DLGAP5: variants seen among roughly 807,000 people sequenced by gnomAD.
DLGAP5 encodes DLG associated protein 5.
A neutral mutation model predicts 99.6 loss-of-function variants in DLGAP5; 90 were observed. The ratio of observed to expected loss-of-function variants is 0.90; its 90% CI spans 0.76 to 1.08. The LOEUF is 1.08. DLGAP5 is among the 50% of genes least tolerant of loss of function. The pLI is 0.00. For synonymous variants in DLGAP5, 311 were observed against 321.3 expected (o/e 0.97, Z 0.34); for missense variants, 1,036 against 983.5 (o/e 1.05, Z -0.71).
At chr14:55,152,505 TG>T in intron 16 of DLGAP5, 84 bp downstream of exon 16, 1 of 1,018,998 alleles carries the variant, frequency 9.8e-7, no homozygotes, top group Non-Finnish European at 1.4e-6. Flanking sequence ...ACGGAAATTC[TG>T]GGGATGCTTT....
intron 12 of DLGAP5, among the ~76,000 whole-genome samples, chr14:55,165,143 C>T (rs1471229223): frequency 6.6e-6 from 1 of 152,042 alleles, no homozygotes; most frequent in Non-Finnish European, 1.5e-5. Context: ...AAGATTTACA[C>T]AGACATCTCA....
Position 55,176,018 on chromosome 14 carries a change from A to G in DLGAP5, c.1050T>C (p.Val350=). The G allele has an allele frequency of 6.2e-7, 1 of 1,600,924 alleles. No individual in the cohort carries two copies. The highest frequency in any genetic ancestry group is 2.2e-5 in the East Asian group (1 of 44,700). Residue 350 remains valine, a splice_region_variant and synonymous_variant, in exon 9 of 19, where the codon GTT becomes GTC. Coordinates refer to ENST00000247191, the MANE Select transcript of DLGAP5 (RefSeq NM_014750.5). ...TTTCTTTTGTTGCTTGAGACTCATCACTAAAAACAATAGCAAAAATATACT... is the reference window on the plus strand; with the variant it reads ...TTTCTTTTGTTGCTTGAGACTCATCGCTAAAAACAATAGCAAAAATATACT... The part of the protein sequence containing the change: ...SYTWTPLKTE[V]DESQATKEIL...
At position 55,154,716 on chromosome 14, in the gene DLGAP5, C is replaced by T; in HGVS notation, c.1964G>A (p.Gly655Asp). 1 of 1,613,986 alleles carries T rather than the reference C, an allele frequency of 6.2e-7. No individual in the cohort carries two copies. Among genetic ancestry groups the T allele is most frequent in the Non-Finnish European group, 8.5e-7 (1 of 1,179,904 alleles). ...TGGTGATGTAGTTTGTTGTGGAATG[C>T]CCATCTCATTTCTACTCTGAGATAC... is the stretch of plus-strand genomic sequence containing the variant. ...KAVSQSRNEM[G>D]IPQQTTSPEN... Residue 655 changes from glycine to aspartate, a missense_variant, in exon 15 of 19, where the codon GGC becomes GAC. Transcript: ENST00000247191.
At chr14:55,171,864 G>C (rs1882870923) in intron 10 of DLGAP5, among the ~76,000 whole-genome samples, 1 of 152,088 alleles carries the variant, frequency 6.6e-6, no homozygotes, top group Non-Finnish European at 1.5e-5. Context: ...AGTAAAACAA[G>C]ACAAATACTA....
intron 4 of DLGAP5, 133 bp from the exon 5 acceptor site, chr14:55,181,430 C>T (rs1486634126): frequency 1.3e-5 from 8 of 607,204 alleles, no homozygotes; most frequent in African/African-American, 1.9e-5. Flanking sequence ...CAAAAAACTA[C>T]CCCAAATAAA....
At chr14:55,179,375 C>G (rs1883200539) in intron 7 of DLGAP5, among the ~76,000 whole-genome samples, 1 of 152,192 alleles carries the variant, frequency 6.6e-6, no homozygotes, top group Non-Finnish European at 1.5e-5. Context: ...ATACAGGTTT[C>G]TCTCAGCTGT....
chr14:55,160,074 C>A (rs1304433474), intron 13 of DLGAP5, among the ~76,000 whole-genome samples: 1 of 152,142 alleles, frequency 6.6e-6, no homozygotes. Flanking sequence ...CAAGGTGGCA[C>A]ATGCCTGTAG....
In DLGAP5 at chr14:55,162,976, A is replaced by G. The variant is rs1407790175; in HGVS notation, c.1648T>C (p.Phe550Leu). 6.4e-7 allele frequency: 1 copy of G among 1,564,782 alleles called. No individual in the cohort carries two copies. Among genetic ancestry groups the G allele is most frequent in the African/African-American group, 1.4e-5 (1 of 73,450 alleles). The change falls in exon 13 of 19, where the codon TTT becomes CTT. Residue 550 changes from phenylalanine to leucine, a missense_variant. Transcript: ENST00000247191. ...NMNHNMNKNV[F>L]RKKVVSGIAS... Reference sequence around the variant, plus strand: ...TATAAAACCCACAAACTTACCCTAAAGACATTTTTGTTCATATTATGATTC... The same window carrying G: ...TATAAAACCCACAAACTTACCCTAAGGACATTTTTGTTCATATTATGATTC...
At position 55,160,993 on chromosome 14, in the gene DLGAP5, A is replaced by G. The variant is rs980044193; in HGVS notation, c.1653+1978T>C. On this transcript the variant is annotated intron_variant, in intron 13 of 18. Coordinates refer to ENST00000247191, the MANE Select transcript of DLGAP5 (RefSeq NM_014750.5). The stretch of plus-strand genomic sequence containing the variant: ...ACACCACAGGTTTGTTTTAATGTAA[A>G]CAATGATAAGACACTTAAACATGTT... 2.0e-5 allele frequency among the ~76,000 whole-genome samples: 3 copies of G among 152,088 alleles called. No homozygotes were observed. The East Asian group carries it at 5.8e-4, about 29-fold the overall frequency.
chr14:55,190,539 T>TA (rs1165929520), intron 1 of DLGAP5, among the ~76,000 whole-genome samples: 4 of 151,946 alleles, frequency 2.6e-5, no homozygotes, highest in Non-Finnish European at 4.4e-5. Context: ...TCTTGGCAGT[T>TA]AAAAAACAAA....
intron 10 of DLGAP5, among the ~76,000 whole-genome samples, chr14:55,174,347 C>T (rs930408595): frequency 5.3e-5 from 8 of 152,262 alleles, no homozygotes; most frequent in African/African-American, 1.4e-4. Context: ...CAATGGTGCC[C>T]GAAACTTCAT....
At position 55,189,221 on chromosome 14, in the gene DLGAP5, C is replaced by T. The variant is rs1284128196; in HGVS notation, c.-1-41G>A. 5 of 1,493,288 alleles carry T rather than the reference C, an allele frequency of 3.3e-6. No homozygotes were observed. In the East Asian group the frequency reaches 1.1e-4, roughly 34 times the overall value. 92.5% of individuals were successfully genotyped at this position (1,493,288 alleles called of 1,614,324 possible). A position where few individuals can be genotyped will look rare whatever the true frequency, so the allele number is the denominator to read the frequency against. ...ACAAAACCCAACTTACATGAATTTT[C>T]ATTATTTAAAAAATTAAGATTACAG... On this transcript the variant is annotated intron_variant, in intron 1 of 18. Transcript: ENST00000247191.
rs376622093 is a variant in DLGAP5, at chr14:55,169,391, C to T, written c.1548+8G>A. ...AAGTTAATATATTTGAAATATTGAA[C>T]CACATACCTGAAAACTAACCATATC... On this transcript the variant is annotated splice_region_variant and intron_variant, in intron 12 of 18. Transcript: ENST00000247191. 208 of 1,444,410 alleles carry T rather than the reference C, an allele frequency of 1.4e-4. 2 individuals are homozygous for T. In the South Asian group the frequency reaches 2.0e-3, roughly 14 times the overall value. The allele number at this position is 1,444,410 out of a possible 1,614,324, so 89.5% of individuals were successfully genotyped here. A position where few individuals can be genotyped will look rare whatever the true frequency, so the allele number is the denominator to read the frequency against.
At chr14:55,165,300 G>C (rs1052343732) in intron 12 of DLGAP5, among the ~76,000 whole-genome samples, 3 of 152,030 alleles carry the variant, frequency 2.0e-5, no homozygotes, top group African/African-American at 7.2e-5. Context: ...AGGGTGGATC[G>C]CTTGAGCTCA....
chr14:55,149,412 C>T (rs549935101), intron 18 of DLGAP5, among the ~76,000 whole-genome samples: 1 of 151,910 alleles, frequency 6.6e-6, no homozygotes, highest in Non-Finnish European at 1.5e-5. Context: ...GCTCCTGAGA[C>T]ACAGGGCAGC....
intron 10 of DLGAP5, among the ~76,000 whole-genome samples, chr14:55,175,085 A>C (rs1883011269): frequency 6.6e-6 from 1 of 152,220 alleles, no homozygotes; most frequent in Non-Finnish European, 1.5e-5. Flanking sequence ...GAAATGAGTA[A>C]CACTTGCCTT....
At chr14:55,148,684 C>T in intron 18 of DLGAP5, 2 of 898,544 alleles carry the variant, frequency 2.2e-6, no homozygotes, top group Non-Finnish European at 3.4e-6. Flanking sequence ...CAAGATCCCA[C>T]CTCAAAAACA....
intron 13 of DLGAP5, among the ~76,000 whole-genome samples, chr14:55,159,317 TAAG>T (rs1000158824): frequency 1.3e-5 from 2 of 152,170 alleles, no homozygotes; most frequent in Admixed American, 6.5e-5. Flanking sequence ...GTAATGGTCT[TAAG>T]AAAGTCACAT....
intron 12 of DLGAP5, among the ~76,000 whole-genome samples, chr14:55,164,034 T>C (rs1882545204): frequency 6.6e-6 from 1 of 152,216 alleles, no homozygotes; most frequent in African/African-American, 2.4e-5. Context: ...TTTAATAGGA[T>C]GGAAATATAA....
Sources: allele counts gnomAD v4.1 joint callset (sites outside exome capture counted in the v4.1 genomes callset), GRCh38; gene constraint gnomAD v4.1.1; transcripts MANE v1.5; gene names NCBI Gene and HGNC (gene_info 2026-07-23, HGNC 2026-07-21).